The following TTC3 variants were observed in gnomAD, a reference collection of about 807,000 sequenced individuals.
TTC3 encodes the protein E3 ubiquitin-protein ligase TTC3.
Under a neutral mutation model 249.6 loss-of-function variants are expected in TTC3, and 180 were observed. That is an observed-to-expected ratio of 0.72 (90% CI 0.64 to 0.82). The LOEUF is 0.82. Among genes scored for constraint, TTC3 ranks in the 40% least tolerant of loss-of-function variants. The pLI, the probability that TTC3 is intolerant of heterozygous loss-of-function variation, is 0.00. For synonymous variants in TTC3, 717 were observed against 805.0 expected (o/e 0.89, Z 1.85); for missense variants, 2,061 against 2,398.4 (o/e 0.86, Z 2.94).
chr21:37,091,954 A>G (rs1197969600), intron 7 of TTC3, among the ~76,000 whole-genome samples: 1 of 152,218 alleles, frequency 6.6e-6, no homozygotes, highest in Non-Finnish European at 1.5e-5. Context: ...ATTGTACTTT[A>G]AAAATTTTCA....
At chr21:37,200,144 G>A in intron 44 of TTC3, 88 bp from the exon 45 acceptor site, 1 of 1,210,726 alleles carries the variant, frequency 8.3e-7, no homozygotes, top group South Asian at 1.6e-5. Flanking sequence ...TGTGGCAGAA[G>A]ATGTTTGAAG....
rs561655898 is a variant in TTC3 at position 37,075,989 on chromosome 21, A to G, written c.-12+2625A>G. Among the ~76,000 whole-genome samples the G allele has an allele frequency of 5.9e-5, 9 of 152,332 alleles. No homozygotes were observed. In the South Asian group the frequency reaches 1.9e-3, roughly 32 times the overall value. ...ACATATGCAAGCTGTATAGCAGAAC[A>G]ATAAAATGAACACCTATGAATTCAC... On this transcript the variant is annotated intron_variant, in intron 1 of 45. Transcript: ENST00000355666.
At chr21:37,186,068 T>C (rs975994558) in intron 37 of TTC3, 1 of 161,608 alleles carries the variant, frequency 6.2e-6, no homozygotes, top group Non-Finnish European at 1.3e-5. Flanking sequence ...ACTATAAACA[T>C]GTTGTAAAAA....
exon 42 of TTC3, chr21:37,195,747 A>T (rs201341473): frequency 6.2e-7 from 1 of 1,614,130 alleles, no homozygotes; most frequent in East Asian, 2.2e-5. Context: ...AAGCGACGTG[A>T]CTGGAAACCA....
At chr21:37,197,851 C>A (rs767459846) in intron 43 of TTC3, 31 bp from the exon 44 acceptor site, 1 of 1,600,190 alleles carries the variant, frequency 6.2e-7, no homozygotes, top group African/African-American at 1.4e-5. Context: ...TCCCTCTTGT[C>A]CCCTCCCCGC....
intron 6 of TTC3, 74 bp from the exon 7 acceptor site, chr21:37,091,219 A>T: frequency 1.3e-6 from 2 of 1,486,190 alleles, no homozygotes; most frequent in Non-Finnish European, 1.8e-6. Flanking sequence ...CTTGCATAAG[A>T]TGAATTTATA....
chr21:37,192,838 A>G (rs2084352573), intron 41 of TTC3, among the ~76,000 whole-genome samples: 1 of 152,244 alleles, frequency 6.6e-6, no homozygotes, highest in South Asian at 2.1e-4. Context: ...TACACAGCAC[A>G]GTAAAGAAAA....
At chr21:37,163,763 TAATG>T (rs1569109946) in intron 31 of TTC3, among the ~76,000 whole-genome samples, 1 of 152,222 alleles carries the variant, frequency 6.6e-6, no homozygotes, top group African/African-American at 2.4e-5. Context: ...AAGTTATAAT[TAATG>T]CAACTTTTTT....
intron 28 of TTC3, among the ~76,000 whole-genome samples, chr21:37,157,748 A>T (rs750167599): frequency 5.9e-5 from 9 of 152,074 alleles, no homozygotes; most frequent in Non-Finnish European, 1.3e-4. Context: ...CTAGCAGCTA[A>T]TTCCTTCTTT....
rs1302079618 is a variant in TTC3, at chr21:37,192,813, C to A, written c.5217+600C>A. Among the ~76,000 whole-genome samples the A allele has an allele frequency of 2.0e-5, 3 of 152,066 alleles. No homozygotes were observed. The East Asian group carries it at 5.8e-4, about 29-fold the overall frequency. On this transcript the variant is annotated intron_variant, in intron 41 of 45. Coordinates refer to ENST00000355666, the Ensembl canonical transcript of TTC3. ...TGTTAATAACAGTGAATAATCTTGT[C>A]TTTTTATTTTAATATACACAGCACA...
chr21:37,129,911 C>T (rs2147910082), intron 16 of TTC3, among the ~76,000 whole-genome samples: 1 of 152,340 alleles, frequency 6.6e-6, no homozygotes, highest in East Asian at 1.9e-4. Flanking sequence ...TCCCAGAGTG[C>T]TGGGATTGCA....
chr21:37,172,745 GTAA>G lies in TTC3; in HGVS notation c.4617+3_4617+5del. ...GAAAAGGCACTTAGAAGAAAACAAG[GTAA>G]TCCTGTCTGAAACCTGTCTTTAATT... On this transcript the variant is annotated splice_donor_variant and splice_donor_region_variant and intron_variant, in intron 35 of 45. Transcript: ENST00000355666. LOFTEE classifies it high-confidence loss of function. 1 of 1,613,640 alleles carries G rather than the reference GTAA, an allele frequency of 6.2e-7. No individual in the cohort carries two copies. The highest frequency in any genetic ancestry group is 2.2e-5 in the East Asian group (1 of 44,860).
rs149426910 is a variant in TTC3, at chr21:37,077,842, G to C, written c.-12+4478G>C. Among the ~76,000 whole-genome samples, 37 of 152,240 alleles carry C rather than the reference G, an allele frequency of 2.4e-4. No homozygotes were observed. In the East Asian group the frequency reaches 7.1e-3, roughly 29 times the overall value. On this transcript the variant is annotated intron_variant, in intron 1 of 45. Transcript: ENST00000355666. ...AATATCTTTTTCTGGTTTGTGGCCT[G>C]TCTTTCTACTGTTTATGGTGTATTT...
chr21:37,150,361 C>A (rs1043031557), intron 24 of TTC3, among the ~76,000 whole-genome samples, 191 bp downstream of exon 24: 5 of 151,986 alleles, frequency 3.3e-5, no homozygotes, highest in Non-Finnish European at 2.9e-5. Flanking sequence ...TTCTTATATT[C>A]TTTTATTTCT....
chr21:37,190,607 GAT>G (rs2148200288), intron 39 of TTC3, among the ~76,000 whole-genome samples: 1 of 152,234 alleles, frequency 6.6e-6, no homozygotes, highest in Non-Finnish European at 1.5e-5. Flanking sequence ...GGGAAACAAA[GAT>G]AATCTCAGAC....
At chr21:37,154,752 G>A (rs1269155380) in intron 27 of TTC3, among the ~76,000 whole-genome samples, 2 of 152,154 alleles carry the variant, frequency 1.3e-5, no homozygotes, top group African/African-American at 4.8e-5. Context: ...CTGGAGTGCA[G>A]CGGCGCGATC....
intron 11 of TTC3, among the ~76,000 whole-genome samples, chr21:37,118,131 T>TAA (rs201484872): frequency 2.1e-5 from 3 of 141,822 alleles, no homozygotes; most frequent in African/African-American, 7.8e-5. Flanking sequence ...CTTTTTTTTT[T>TAA]AAAACCAGAA....
intron 21 of TTC3, among the ~76,000 whole-genome samples, chr21:37,146,471 A>T (rs2078988854): frequency 6.6e-6 from 1 of 152,100 alleles, no homozygotes; most frequent in Admixed American, 6.5e-5. Flanking sequence ...GTGAGCTGAG[A>T]TCGTGCCACT....
chr21:37,104,453 G>A (rs553764572), intron 10 of TTC3, among the ~76,000 whole-genome samples: 1 of 152,218 alleles, frequency 6.6e-6, no homozygotes, highest in African/African-American at 2.4e-5. Flanking sequence ...AGCTGGGCGT[G>A]GTGGTAGGTG....
Sources: allele counts gnomAD v4.1 joint callset (sites outside exome capture counted in the v4.1 genomes callset), GRCh38; gene constraint gnomAD v4.1.1; transcripts MANE v1.5; gene names NCBI Gene and HGNC (gene_info 2026-07-23, HGNC 2026-07-21).